Variants in DLGAP2 observed in about 807,000 individuals in gnomAD.
The protein encoded by DLGAP2 is disks large-associated protein 2.
In DLGAP2, 26 loss-of-function variants were observed where a neutral mutation model predicts 100.3. The ratio of observed to expected loss-of-function variants is 0.26; its 90% CI spans 0.19 to 0.36. DLGAP2 has a LOEUF of 0.36. Ranked by LOEUF, DLGAP2 falls within the 10% of genes least tolerant of loss-of-function variation. The pLI, the probability that DLGAP2 is intolerant of heterozygous loss-of-function variation, is 1.00. For synonymous variants in DLGAP2, 886 were observed against 630.1 expected (o/e 1.41, Z -6.08); for missense variants, 1,858 against 1,453.2 (o/e 1.28, Z -4.53).
intron 3 of DLGAP2, among the ~76,000 whole-genome samples, chr8:1,328,437 G>C (rs1379019338): frequency 6.6e-6 from 1 of 152,162 alleles, no homozygotes; most frequent in African/African-American, 2.4e-5. Flanking sequence ...TCCTGCCTCA[G>C]CCTCCCGAGT....
At chr8:1,480,330 G>A (rs1055546435) in intron 3 of DLGAP2, among the ~76,000 whole-genome samples, 1 of 152,146 alleles carries the variant, frequency 6.6e-6, no homozygotes, top group African/African-American at 2.4e-5. Flanking sequence ...GGAAGAGGAT[G>A]GGTGATGGGG....
chr8:1,054,568 A>G (rs1409048035), intron 2 of DLGAP2, among the ~76,000 whole-genome samples: 1 of 152,216 alleles, frequency 6.6e-6, no homozygotes, highest in Non-Finnish European at 1.5e-5. Context: ...TATGGCGTTC[A>G]TTATTAATAT....
At position 758,493 on chromosome 8, in the gene DLGAP2, G is replaced by A. The variant is rs569232161; in HGVS notation, c.18+20668G>A. 3.9e-5 allele frequency among the ~76,000 whole-genome samples: 6 copies of A among 152,284 alleles called. No homozygotes were observed. The South Asian group carries it at 6.2e-4, about 16-fold the overall frequency. On this transcript the variant is annotated intron_variant, in intron 1 of 14. Coordinates refer to ENST00000637795, the MANE Select transcript of DLGAP2 (RefSeq NM_001346810.2). Reference sequence around the variant, plus strand: ...GGAGCTACAATTGAAAAGCAAGAGCGTCTTGCTCCACCTCTGCCCATCCCA... The same window carrying A: ...GGAGCTACAATTGAAAAGCAAGAGCATCTTGCTCCACCTCTGCCCATCCCA...
intron 2 of DLGAP2, chr8:1,018,713 T>C (rs1000574729): frequency 2.6e-5 from 4 of 152,278 alleles, no homozygotes; most frequent in African/African-American, 9.6e-5. Flanking sequence ...TTAGGTCATA[T>C]TCCTTATCAA....
chr8:748,683 G>A (rs1820714600), intron 1 of DLGAP2, among the ~76,000 whole-genome samples: 1 of 152,194 alleles, frequency 6.6e-6, no homozygotes, highest in Admixed American at 6.5e-5. Context: ...CCTCACTGAG[G>A]AGCTCGTGGT....
intron 2 of DLGAP2, among the ~76,000 whole-genome samples, chr8:1,240,574 CGCCGTGTCTAGTTCTCTCACATGGT>C (rs1563273940): frequency 2.9e-4 from 41 of 140,628 alleles, no homozygotes; most frequent in Non-Finnish European, 4.8e-4. Flanking sequence ...TCTTACATGG[CGCCGTGTCTAGTTCTCTCACATGGT>C]GCCGTGTCTA....
chr8:1,539,222 C>T (rs924889683), intron 4 of DLGAP2, among the ~76,000 whole-genome samples: 14 of 152,190 alleles, frequency 9.2e-5, no homozygotes, highest in African/African-American at 3.1e-4. Flanking sequence ...TCATAACTAA[C>T]AGCATGTCCA....
intron 6 of DLGAP2, among the ~76,000 whole-genome samples, chr8:1,626,416 C>T (rs1278867170): frequency 3.5e-5 from 4 of 113,902 alleles, no homozygotes; most frequent in Middle Eastern, 6.9e-3. Flanking sequence ...TACCCTGCAG[C>T]GGGTGCTCAC....
chr8:1,497,320 C>T (rs1298623065), intron 3 of DLGAP2, among the ~76,000 whole-genome samples: 1 of 152,226 alleles, frequency 6.6e-6, no homozygotes, highest in Non-Finnish European at 1.5e-5. Context: ...AGCGTCCAGC[C>T]TCTCCCTGGG....
intron 3 of DLGAP2, among the ~76,000 whole-genome samples, chr8:1,478,041 G>C (rs1170136965): frequency 6.6e-6 from 1 of 152,174 alleles, no homozygotes; most frequent in African/African-American, 2.4e-5. Context: ...CCTACGTAAG[G>C]GGTAAATGTG....
At chr8:955,789 C>T (rs1215392238) in intron 2 of DLGAP2, among the ~76,000 whole-genome samples, 3 of 152,264 alleles carry the variant, frequency 2.0e-5, no homozygotes, top group African/African-American at 2.4e-5. Context: ...GACATATTCC[C>T]AATATCTTAC....
intron 3 of DLGAP2, among the ~76,000 whole-genome samples, chr8:1,368,486 A>G (rs755060849): frequency 4.6e-5 from 7 of 152,282 alleles, no homozygotes; most frequent in Admixed American, 1.3e-4. Flanking sequence ...GCTCTGAAAA[A>G]TGTAGAAATA....
rs1463250 is a variant in DLGAP2, at chr8:1,214,380, A to C, written c.74-44471A>C. On this transcript the variant is annotated intron_variant, in intron 2 of 14. Transcript: ENST00000637795. ...GTGCTTTCCAGGGGGAAGAGGTGCC[A>C]TTGCTGATGACAGAAGGGCATCTCG... Among the ~76,000 whole-genome samples, 14 of 152,174 alleles carry C rather than the reference A, an allele frequency of 9.2e-5. 1 individual carries two copies. Among genetic ancestry groups the C allele is most frequent in the African/African-American group, 3.4e-4 (14 of 41,504 alleles).
intron 4 of DLGAP2, among the ~76,000 whole-genome samples, chr8:1,513,641 C>T (rs921522660): frequency 1.3e-5 from 2 of 152,182 alleles, no homozygotes; most frequent in Non-Finnish European, 2.9e-5. Flanking sequence ...CCCTCCTGGT[C>T]GTGTATGTAA....
intron 2 of DLGAP2, among the ~76,000 whole-genome samples, chr8:1,028,721 C>A (rs1801889661): frequency 6.6e-6 from 1 of 152,212 alleles, no homozygotes; most frequent in Admixed American, 6.5e-5. Context: ...TGGGTCACTG[C>A]TACTGTCAAC....
intron 2 of DLGAP2, among the ~76,000 whole-genome samples, chr8:1,198,581 T>C (rs889310009): frequency 6.6e-6 from 1 of 151,922 alleles, no homozygotes; most frequent in Non-Finnish European, 1.5e-5. Context: ...AGGTGGCAGG[T>C]ATGGTTTGCA....
At chr8:1,684,775 C>A (rs993488991) in intron 12 of DLGAP2, among the ~76,000 whole-genome samples, 8 of 151,980 alleles carry the variant, frequency 5.3e-5, no homozygotes, top group African/African-American at 1.7e-4. Context: ...AAGGAAAAAT[C>A]AAAAATGTGC....
At chr8:1,078,680 CT>C (rs1181810771) in intron 2 of DLGAP2, among the ~76,000 whole-genome samples, 1 of 152,154 alleles carries the variant, frequency 6.6e-6, no homozygotes, top group African/African-American at 2.4e-5. Flanking sequence ...TTCAGATGGG[CT>C]TTTTTCACTT....
intron 2 of DLGAP2, among the ~76,000 whole-genome samples, chr8:1,069,323 G>A (rs1046856413): frequency 1.3e-5 from 2 of 152,172 alleles, no homozygotes; most frequent in South Asian, 2.1e-4. Flanking sequence ...AGGCCGGGTC[G>A]GACAGACCTG....
Sources: allele counts gnomAD v4.1 joint callset (sites outside exome capture counted in the v4.1 genomes callset), GRCh38; gene constraint gnomAD v4.1.1; transcripts MANE v1.5; gene names NCBI Gene and HGNC (gene_info 2026-07-23, HGNC 2026-07-21).